Variants in ZNF484 observed in about 807,000 individuals in gnomAD.
ZNF484 encodes zinc finger protein 484.
In ZNF484, 11 loss-of-function variants were observed where a neutral mutation model predicts 12.9. That is an observed-to-expected ratio of 0.85 (90% confidence interval 0.54 to 1.41). The LOEUF (loss-of-function observed/expected upper bound fraction) is 1.41, where lower values mean the gene tolerates loss of function less well. Ranked by LOEUF, ZNF484 falls within the 40% of genes most tolerant of loss-of-function variation. ZNF484 has a pLI of 0.00. For synonymous variants in ZNF484, 289 were observed against 334.1 expected (o/e 0.86, Z 1.47); for missense variants, 807 against 1,007.7 (o/e 0.80, Z 2.70).
At chr9:92,872,215 G>C (rs2118232674) in intron 2 of ZNF484, among the ~76,000 whole-genome samples, 1 of 111,272 alleles carries the variant, frequency 9.0e-6, no homozygotes, top group Admixed American at 1.1e-4. Context: ...TGGGCAACAA[G>C]AGCAAATCTC....
intron 2 of ZNF484, among the ~76,000 whole-genome samples, chr9:92,867,089 C>T (rs1245300392): frequency 6.6e-6 from 1 of 152,192 alleles, no homozygotes; most frequent in African/African-American, 2.4e-5. Context: ...GTGGCTCACA[C>T]CTGTAATCCC....
In ZNF484 at chr9:92,848,547, C is replaced by G. The variant is rs973887008; in HGVS notation, c.240G>C (p.Gly80=). ...GTTGTAAAGGTCCAAAACCAATGTC[C>G]CCATCTAAAAAAGAAAGAAAAGATA... The part of the protein sequence containing the change: ...GEIPSQSRPD[G]DIGFGPLQQR... The change falls in exon 5 of 5, where the codon GGG becomes GGC. Residue 80 remains glycine (G), a synonymous_variant. Transcript: ENST00000375495. This position sits in a 1 kb window ranked among gnomAD's most constrained non-coding sequence, Gnocchi z 4.1. 1 of 1,567,822 alleles carries G rather than the reference C, an allele frequency of 6.4e-7. No homozygotes were observed.
At position 92,848,541 on chromosome 9, in the gene ZNF484, A is replaced by G; in HGVS notation, c.246T>C (p.Ile82=). 1.3e-6 allele frequency: 2 copies of G among 1,576,814 alleles called. No homozygotes were observed. The highest frequency in any genetic ancestry group is 4.5e-5 in the East Asian group (2 of 44,674). The change falls in exon 5 of 5, where the codon ATT becomes ATC. Residue 82 remains isoleucine, a synonymous_variant. Coordinates refer to ENST00000375495, the MANE Select transcript of ZNF484 (RefSeq NM_031486.4). The surrounding 1 kb of genome is among the most constrained non-coding windows in gnomAD (Gnocchi z 4.1). ...IPSQSRPDGD[I]GFGPLQQRMS... is the part of the protein sequence containing the mutation. ...TCCTCTGTTGTAAAGGTCCAAAACC[A>G]ATGTCCCCATCTAAAAAAGAAAGAA...
At chr9:92,860,723 G>A (rs977248876) in intron 2 of ZNF484, among the ~76,000 whole-genome samples, 7 of 151,872 alleles carry the variant, frequency 4.6e-5, no homozygotes, top group Non-Finnish European at 1.0e-4. Flanking sequence ...CAAAGATGGT[G>A]GGGTGGAGCT....
At chr9:92,851,000 G>A (rs1336716099) in intron 4 of ZNF484, among the ~76,000 whole-genome samples, 1 of 152,208 alleles carries the variant, frequency 6.6e-6, no homozygotes, top group Non-Finnish European at 1.5e-5. Flanking sequence ...AAGACTGAAA[G>A]TTGTTCATCA....
intron 2 of ZNF484, among the ~76,000 whole-genome samples, chr9:92,865,034 GAGAGAGAA>G (rs1321733288): frequency 1.3e-5 from 2 of 152,162 alleles, no homozygotes; most frequent in African/African-American, 4.8e-5. Flanking sequence ...CACACAGAGA[GAGAGAGAA>G]AGAGAGAGAG....
chr9:92,846,569 T>C lies in ZNF484; in HGVS notation c.2218A>G (p.Arg740Gly). 1 of 1,614,030 alleles carries C rather than the reference T, an allele frequency of 6.2e-7. No homozygotes were observed. Among genetic ancestry groups the C allele is most frequent in the Non-Finnish European group, 8.5e-7 (1 of 1,179,982 alleles). Residue 740 changes from arginine to glycine, a missense_variant, in exon 5 of 5, where the codon AGA (arginine) becomes GGA (glycine). Coordinates refer to ENST00000375495, the MANE Select transcript of ZNF484 (RefSeq NM_031486.4). ...IQKSHLNRHR[R>G]IHTGEKPYEC... ...TAGGGTTTCTCTCCAGTATGAATTC[T>C]CCTGTGTCTATTTAAGTGTGACTTC...
At chr9:92,876,077 C>A (rs1857789831) in intron 1 of ZNF484, among the ~76,000 whole-genome samples, 1 of 151,944 alleles carries the variant, frequency 6.6e-6, no homozygotes, top group Non-Finnish European at 1.5e-5. Context: ...TAAAATGAAC[C>A]ACACAATAAA....
intron 4 of ZNF484, 75 bp downstream of exon 4, chr9:92,855,736 A>G: frequency 2.1e-6 from 3 of 1,423,108 alleles, no homozygotes; most frequent in South Asian, 2.4e-5. Context: ...AAGTTGGGCA[A>G]AGTTGGGCAC....
chr9:92,873,053 G>A (rs1224780221), intron 2 of ZNF484, among the ~76,000 whole-genome samples: 4 of 152,162 alleles, frequency 2.6e-5, no homozygotes, highest in Non-Finnish European at 4.4e-5. Context: ...TGTATTTGGA[G>A]ATAGGGCTTT....
Position 92,870,374 on chromosome 9 carries a change from C to G in ZNF484, c.15+4641G>C, listed in dbSNP as rs555165008. Among the ~76,000 whole-genome samples the G allele has an allele frequency of 5.3e-5, 8 of 152,330 alleles. No homozygotes were observed. The South Asian group carries it at 1.4e-3, about 28-fold the overall frequency. On this transcript the variant is annotated intron_variant, in intron 2 of 4. Transcript: ENST00000375495. ...AAAAAACTTTTAGACAAAACCTACTCCAACCAAATACCACAGATTATAAAA... is the reference window on the plus strand; with the variant it reads ...AAAAAACTTTTAGACAAAACCTACTGCAACCAAATACCACAGATTATAAAA...
In ZNF484 at chr9:92,844,507, C is replaced by T. The variant is rs560659124; in HGVS notation, c.*1721G>A. On this transcript the variant is annotated 3_prime_UTR_variant, in exon 5 of 5. Coordinates refer to ENST00000375495, the MANE Select transcript of ZNF484 (RefSeq NM_031486.4). The stretch of plus-strand genomic sequence containing the variant: ...GGATAAATACATGGAAAAATTACAC[C>T]TAGGCATATCAATGTGCAACAGTTA... Among the ~76,000 whole-genome samples the T allele has an allele frequency of 6.6e-6, 1 of 152,120 alleles. No individual in the cohort carries two copies. The highest frequency in any genetic ancestry group is 2.1e-4 in the South Asian group (1 of 4,818).
In ZNF484 at chr9:92,847,627, G is replaced by A; in HGVS notation, c.1160C>T (p.Thr387Ile). 6.2e-7 allele frequency: 1 copy of A among 1,613,946 alleles called. No homozygotes were observed. The highest frequency in any genetic ancestry group is 8.5e-7 in the Non-Finnish European group (1 of 1,179,994). The change falls in exon 5 of 5, where the codon ACT becomes ATT. Residue 387 changes from threonine (T) to isoleucine (I), a missense_variant. Thr to Ile is a moderately conservative substitution (Grantham distance 89). Coordinates refer to ENST00000375495, the MANE Select transcript of ZNF484 (RefSeq NM_031486.4). ...IHTGGKHFEC[T>I]ECGKAFTRKS... ...CCTTGTGAAAGCTTTTCCACATTCA[G>A]TACATTCAAAGTGTTTCCCTCCAGT...
intron 2 of ZNF484, among the ~76,000 whole-genome samples, chr9:92,872,734 A>G (rs1205859439): frequency 1.3e-5 from 2 of 152,016 alleles, no homozygotes; most frequent in African/African-American, 4.8e-5. Flanking sequence ...GTTTTAGTTC[A>G]GTGAGACCCA....
rs542555302 is a variant in ZNF484 at position 92,846,131 on chromosome 9, A to T, written c.*97T>A. 2.4e-6 allele frequency: 3 copies of T among 1,264,412 alleles called. No individual in the cohort carries two copies. The African/African-American group carries it at 4.5e-5, about 19-fold the overall frequency. 78.3% of individuals were successfully genotyped at this position (1,264,412 alleles called of 1,614,324 possible). On this transcript the variant is annotated 3_prime_UTR_variant, in exon 5 of 5. Coordinates refer to ENST00000375495, the MANE Select transcript of ZNF484 (RefSeq NM_031486.4). ...TGACAACACCAATATCAAGTAACCA[A>T]AGATGGCCACTATACATTGCTTAAA...
rs1020511147 is a variant in ZNF484, at chr9:92,865,878, C to T, written c.15+9137G>A. 7.6e-4 allele frequency among the ~76,000 whole-genome samples: 116 copies of T among 152,322 alleles called. 1 individual carries two copies. Among genetic ancestry groups the T allele is most frequent in the Non-Finnish European group, 5.1e-4 (35 of 68,026 alleles). On this transcript the variant is annotated intron_variant, in intron 2 of 4. Transcript: ENST00000375495. ...GAGCTGGGATCACAGCATTGCACTCCACTCAGCTTGGGTGACAGAGCAAGA... is the reference window on the plus strand; with the variant it reads ...GAGCTGGGATCACAGCATTGCACTCTACTCAGCTTGGGTGACAGAGCAAGA...
chr9:92,846,582 T>C lies in ZNF484; in HGVS notation c.2205A>G (p.Leu735=). ...CAGTATGAATTCTCCTGTGTCTATT[T>C]AAGTGTGACTTCTGGATGAAGGATT... is the stretch of plus-strand genomic sequence containing the variant. ...CGKSFIQKSH[L]NRHRRIHTGE... Residue 735 remains leucine (L), a synonymous_variant, in exon 5 of 5, where the codon TTA becomes TTG. Coordinates refer to ENST00000375495, the MANE Select transcript of ZNF484 (RefSeq NM_031486.4). The C allele has an allele frequency of 6.2e-7, 1 of 1,613,366 alleles. No homozygotes were observed. Among genetic ancestry groups the C allele is most frequent in the South Asian group, 1.1e-5 (1 of 91,022 alleles).
chr9:92,848,404 C>A lies in ZNF484; in HGVS notation c.383G>T (p.Cys128Phe). ...TAAAGGTTTGTTCTGGTTTTCTCCACATTTTCTTGTGTGTTCATCGTCTTT... is the reference window on the plus strand; with the variant it reads ...TAAAGGTTTGTTCTGGTTTTCTCCAAATTTTCTTGTGTGTTCATCGTCTTT... ...LWKDDEHTRKCGENQNKPLSR... is the reference protein window; with the variant it reads ...LWKDDEHTRKFGENQNKPLSR... Residue 128 changes from cysteine to phenylalanine, a missense_variant, in exon 5 of 5, where the codon TGT becomes TTT. Physicochemically the swap from Cys to Phe is radical, Grantham distance 205. Coordinates refer to ENST00000375495, the MANE Select transcript of ZNF484 (RefSeq NM_031486.4). The surrounding 1 kb of genome is among the most constrained non-coding windows in gnomAD (Gnocchi z 4.1). The A allele has an allele frequency of 6.2e-7, 1 of 1,614,122 alleles. No homozygotes were observed. Among genetic ancestry groups the A allele is most frequent in the Admixed American group, 1.7e-5 (1 of 60,032 alleles).
At chr9:92,856,538 T>C (rs1457636358) in intron 2 of ZNF484, among the ~76,000 whole-genome samples, 1 of 152,202 alleles carries the variant, frequency 6.6e-6, no homozygotes, top group Non-Finnish European at 1.5e-5. Flanking sequence ...TAGACATTTC[T>C]GCAAGGAAGA....
Sources: allele counts gnomAD v4.1 joint callset (sites outside exome capture counted in the v4.1 genomes callset), GRCh38; gene constraint gnomAD v4.1.1; non-coding constraint Gnocchi (gnomAD v3.1); transcripts MANE v1.5; gene names NCBI Gene and HGNC (gene_info 2026-07-23, HGNC 2026-07-21).